The following NUP85 variants were observed in gnomAD, a reference collection of about 807,000 sequenced individuals.
The protein encoded by NUP85 is nuclear pore complex protein Nup85.
Under a neutral mutation model 92.8 loss-of-function variants are expected in NUP85, and 23 were observed. The observed-to-expected ratio is 0.25, with a 90% confidence interval of 0.18 to 0.35. NUP85 has a LOEUF of 0.35. Ranked by LOEUF, NUP85 falls within the 10% of genes least tolerant of loss-of-function variation. The pLI, the probability that NUP85 is intolerant of heterozygous loss-of-function variation, is 1.00. For synonymous variants in NUP85, 314 were observed against 306.9 expected (o/e 1.02, Z -0.24); for missense variants, 759 against 822.8 (o/e 0.92, Z 0.95).
Position 75,229,837 on chromosome 17 carries a change from T to C in NUP85, c.1095-1503T>C, listed in dbSNP as rs1027858458. 4.6e-5 allele frequency among the ~76,000 whole-genome samples: 7 copies of C among 152,132 alleles called. 1 individual carries two copies. The highest frequency in any genetic ancestry group is 3.9e-4 in the Admixed American group (6 of 15,262). ...GTGGCTTTCGTGCAGGCTAAGGCTT[T>C]GGCTCCCTTAGCCTGGGTCCCCTAT... On this transcript the variant is annotated intron_variant, in intron 11 of 18. Transcript: ENST00000245544.
chr17:75,210,821 C>T (rs1157035570), intron 3 of NUP85, among the ~76,000 whole-genome samples: 1 of 151,982 alleles, frequency 6.6e-6, no homozygotes, highest in African/African-American at 2.4e-5. Context: ...CCTGCCTCAG[C>T]CTCCCGAGTA....
At position 75,230,189 on chromosome 17, in the gene NUP85, C is replaced by T. The variant is rs566948152; in HGVS notation, c.1095-1151C>T. Among the ~76,000 whole-genome samples, 314 of 151,736 alleles carry T rather than the reference C, an allele frequency of 2.1e-3. 1 individual carries two copies. Among genetic ancestry groups the T allele is most frequent in the African/African-American group, 7.3e-3 (300 of 41,352 alleles). ...TTCCGAGTAGCTGGGACCACAGGCA[C>T]ACGCCACCACGCCCAGCTAACTTTT... On this transcript the variant is annotated intron_variant, in intron 11 of 18. Coordinates refer to ENST00000245544, the MANE Select transcript of NUP85 (RefSeq NM_024844.5).
At chr17:75,225,503 C>T in intron 9 of NUP85, 39 bp downstream of exon 9, 5 of 1,605,008 alleles carry the variant, frequency 3.1e-6, no homozygotes, top group Middle Eastern at 1.7e-4. Context: ...TGTTGGCTTC[C>T]TATGGGGGCT....
At chr17:75,234,554 T>G in intron 16 of NUP85, 83 bp from the exon 17 acceptor site, 6 of 1,447,950 alleles carry the variant, frequency 4.1e-6, no homozygotes, top group Non-Finnish European at 5.8e-6. Context: ...TTCTCCTGTT[T>G]AGGGCCAGGG....
Position 75,234,676 on chromosome 17 carries a change from G to A in NUP85, c.1655G>A (p.Arg552His), listed in dbSNP as rs1404237563. 9.9e-6 allele frequency: 16 copies of A among 1,614,212 alleles called. No homozygotes were observed. Among genetic ancestry groups the A allele is most frequent in the South Asian group, 6.6e-5 (6 of 91,088 alleles). The change falls in exon 17 of 19, where the codon CGT (arginine) becomes CAT (histidine). Residue 552 changes from arginine (R) to histidine (H), a missense_variant. Physicochemically the swap from Arg to His is conservative, Grantham distance 29. Transcript: ENST00000245544. Reference sequence around the variant, plus strand: ...TTCCACCGTATGTACGGGGAGAAGCGTTTTGCCGACGCAGCTTCTCTCCTT... The same window carrying A: ...TTCCACCGTATGTACGGGGAGAAGCATTTTGCCGACGCAGCTTCTCTCCTT... ...REFHRMYGEK[R>H]FADAASLLLS...
At chr17:75,209,789 A>G (rs779697927) in intron 2 of NUP85, 34 bp from the exon 3 acceptor site, 10 of 1,551,726 alleles carry the variant, frequency 6.4e-6, no homozygotes, top group Non-Finnish European at 7.8e-6. Context: ...TGATCATAAT[A>G]GATGTTAAAT....
chr17:75,231,194 A>T lies in NUP85; in HGVS notation c.1095-146A>T. 1 of 770,348 alleles carries T rather than the reference A, an allele frequency of 1.3e-6. No homozygotes were observed. The highest frequency in any genetic ancestry group is 2.2e-6 in the Non-Finnish European group (1 of 454,942). 47.7% of individuals were successfully genotyped at this position (770,348 alleles called of 1,614,324 possible). A position where few individuals can be genotyped will look rare whatever the true frequency, so the allele number is the denominator to read the frequency against. On this transcript the variant is annotated intron_variant, in intron 11 of 18. Transcript: ENST00000245544. This position sits in a 1 kb window ranked among gnomAD's most constrained non-coding sequence, Gnocchi z 4.6. ...TCTGCCTGCCTTGGCCTCCCAAAGT[A>T]CTGGGATCACGGGCATGAGCTATCA...
intron 4 of NUP85, 143 bp from the exon 5 acceptor site, chr17:75,212,933 C>T (rs2075318568): frequency 1.5e-5 from 12 of 827,246 alleles, no homozygotes; most frequent in Non-Finnish European, 2.3e-5. Context: ...ACAAAAAAAT[C>T]CATAATTAAA....
intron 7 of NUP85, among the ~76,000 whole-genome samples, chr17:75,222,335 A>G (rs1428407470): frequency 1.3e-5 from 2 of 152,230 alleles, no homozygotes; most frequent in South Asian, 2.1e-4. Flanking sequence ...GTGAGGCACC[A>G]TGCCTGTCCG....
At chr17:75,218,098 G>A in intron 6 of NUP85, 87 bp from the exon 7 acceptor site, 2 of 1,570,436 alleles carry the variant, frequency 1.3e-6, no homozygotes, top group South Asian at 1.1e-5. Context: ...CAGCTTGTCT[G>A]CCTTAAAGTT....
chr17:75,210,566 C>T lies in NUP85; in HGVS notation c.290+581C>T, dbSNP rs55965757. The stretch of plus-strand genomic sequence containing the variant: ...AACTCCTGTGTTAGATTTTTGTCAG[C>T]GTCCCTTCACATGGATGGCTAGGGA... On this transcript the variant is annotated intron_variant, in intron 3 of 18. Coordinates refer to ENST00000245544, the MANE Select transcript of NUP85 (RefSeq NM_024844.5). Among the ~76,000 whole-genome samples the T allele has an allele frequency of 6.7e-3, 1,021 of 152,262 alleles. 13 individuals are homozygous for T. Among genetic ancestry groups the T allele is most frequent in the African/African-American group, 0.023 (948 of 41,544 alleles).
chr17:75,224,705 G>A (rs534753168), intron 7 of NUP85, among the ~76,000 whole-genome samples: 1 of 152,004 alleles, frequency 6.6e-6, no homozygotes, highest in East Asian at 2.0e-4. Context: ...GATGGCATGC[G>A]CCTGTAATCT....
Position 75,235,169 on chromosome 17 carries a change from G to T in NUP85, c.1837G>T (p.Val613Leu), listed in dbSNP as rs1216431436. 2 of 1,614,074 alleles carry T rather than the reference G, an allele frequency of 1.2e-6. No homozygotes were observed. Among genetic ancestry groups the T allele is most frequent in the Middle Eastern group, 1.6e-4 (1 of 6,062 alleles). ...GGAGGACTTGACGTCAAGAAGACCT[G>T]TGCATGGAGAATCTGATACCGAGCA... ...CLEDLTSRRPVHGESDTEQLQ... is the reference protein window; with the variant it reads ...CLEDLTSRRPLHGESDTEQLQ... The change falls in exon 18 of 19, where the codon GTG (valine) becomes TTG (leucine). Residue 613 changes from valine to leucine, a missense_variant. Transcript: ENST00000245544.
At chr17:75,208,654 G>C (rs1323594337) in intron 2 of NUP85, 34 bp downstream of exon 2, 1 of 1,212,418 alleles carries the variant, frequency 8.2e-7, no homozygotes, top group Admixed American at 1.8e-5. Flanking sequence ...TATCCATCTT[G>C]GCACATTTGG....
intron 3 of NUP85, 45 bp from the exon 4 acceptor site, chr17:75,211,946 AC>A (rs1348365630): frequency 1.2e-5 from 18 of 1,462,718 alleles, no homozygotes; most frequent in Non-Finnish European, 1.6e-5. Flanking sequence ...TTGTGGCACT[AC>A]AAGATGTTCC....
Position 75,218,323 on chromosome 17 carries a change from C to A in NUP85, c.597+17C>A, listed in dbSNP as rs1367991866. On this transcript the variant is annotated intron_variant, in intron 7 of 18. Coordinates refer to ENST00000245544, the MANE Select transcript of NUP85 (RefSeq NM_024844.5). ...TGGAACTTGGTAAGACAGGCCGGGC[C>A]CCCACCTCCCACCATGTGTCCTACT... is the stretch of plus-strand genomic sequence containing the variant. 1 of 1,611,738 alleles carries A rather than the reference C, an allele frequency of 6.2e-7. No homozygotes were observed. Among genetic ancestry groups the A allele is most frequent in the African/African-American group, 1.3e-5 (1 of 74,826 alleles).
chr17:75,206,977 G>A (rs1288326993), intron 1 of NUP85, among the ~76,000 whole-genome samples: 2 of 152,126 alleles, frequency 1.3e-5, no homozygotes, highest in African/African-American at 2.4e-5. Context: ...AAAGTGCTGG[G>A]ATTACAGGCG....
chr17:75,226,916 A>C (rs2075819167), intron 11 of NUP85: 3 of 294,542 alleles, frequency 1.0e-5, no homozygotes, highest in African/African-American at 4.3e-5. Context: ...GCTGGGTATT[A>C]TTCAGAATTT....
chr17:75,214,715 G>C (rs1411158698), intron 5 of NUP85, among the ~76,000 whole-genome samples: 1 of 152,088 alleles, frequency 6.6e-6, no homozygotes, highest in Non-Finnish European at 1.5e-5. Flanking sequence ...TATTTAGCTA[G>C]GCGTGGTGGT....
Sources: allele counts gnomAD v4.1 joint callset (sites outside exome capture counted in the v4.1 genomes callset), GRCh38; gene constraint gnomAD v4.1.1; non-coding constraint Gnocchi (gnomAD v3.1); transcripts MANE v1.5; gene names NCBI Gene and HGNC (gene_info 2026-07-23, HGNC 2026-07-21).